Variants in MAST4 observed in about 807,000 individuals in gnomAD.
MAST4 encodes microtubule-associated serine/threonine-protein kinase 4.
A neutral mutation model predicts 162.7 loss-of-function variants in MAST4; 89 were observed. The observed-to-expected ratio is 0.55, with a 90% CI of 0.46 to 0.65. The LOEUF (loss-of-function observed/expected upper bound fraction) is 0.65, where lower values mean the gene tolerates loss of function less well. Among genes scored for constraint, MAST4 ranks in the 30% least tolerant of loss-of-function variants. MAST4 has a pLI of 0.00. For synonymous variants in MAST4, 1,479 were observed against 1,361.1 expected (o/e 1.09, Z -1.91); for missense variants, 3,153 against 3,374.0 (o/e 0.93, Z 1.62).
chr5:66,948,950 T>C (rs765584514), intron 4 of MAST4, among the ~76,000 whole-genome samples: 11 of 152,122 alleles, frequency 7.2e-5, no homozygotes, highest in Non-Finnish European at 1.2e-4. Flanking sequence ...CCCCCAACAA[T>C]TTTTTAATAG....
Position 66,969,427 on chromosome 5 carries a change from G to A in MAST4, c.674+69445G>A, listed in dbSNP as rs1361379334. Among the ~76,000 whole-genome samples, 9 of 152,214 alleles carry A rather than the reference G, an allele frequency of 5.9e-5. No individual in the cohort carries two copies. The South Asian group carries it at 8.3e-4, about 14-fold the overall frequency. ...TCTTTATCTATGAATCCCCTACCTC[G>A]CTGGCAATGTAAGAACAGTAGCTTA... On this transcript the variant is annotated intron_variant, in intron 4 of 28. Coordinates refer to ENST00000403625, the MANE Select transcript of MAST4 (RefSeq NM_001164664.2).
chr5:66,988,200 C>CT (rs1258384827), intron 4 of MAST4, among the ~76,000 whole-genome samples: 4 of 152,298 alleles, frequency 2.6e-5, no homozygotes, highest in African/African-American at 9.6e-5. Flanking sequence ...AGAAAACGTG[C>CT]TTCATCTCTC....
At chr5:67,083,995 C>T (rs1215844635) in intron 5 of MAST4, among the ~76,000 whole-genome samples, 1 of 152,152 alleles carries the variant, frequency 6.6e-6, no homozygotes, top group Non-Finnish European at 1.5e-5. Flanking sequence ...CAGTGAAAAG[C>T]TAAAACATTC....
intron 4 of MAST4, among the ~76,000 whole-genome samples, chr5:66,969,600 A>G (rs917577907): frequency 1.5e-4 from 23 of 152,040 alleles, no homozygotes; most frequent in African/African-American, 5.6e-4. Context: ...GAGCTGGCCT[A>G]TTTGTCCTGT....
At chr5:66,726,979 A>T (rs958461187) in intron 1 of MAST4, among the ~76,000 whole-genome samples, 5 of 152,074 alleles carry the variant, frequency 3.3e-5, no homozygotes, top group Admixed American at 2.0e-4. Context: ...AATATAGTGG[A>T]GAAGGGTTTG....
Position 67,052,439 on chromosome 5 carries a change from TTTG to T in MAST4, c.675-1959_675-1957del, listed in dbSNP as rs1758298311. On this transcript the variant is annotated intron_variant, in intron 4 of 28. Transcript: ENST00000403625. Reference sequence around the variant, plus strand: ...TAAATAACTAATGGAATTGTGAGGGTTTGTTGTTCATGTTTTCATTTTTTAAAA... The same window carrying T: ...TAAATAACTAATGGAATTGTGAGGGTTTGTTCATGTTTTCATTTTTTAAAA... 3.9e-5 allele frequency among the ~76,000 whole-genome samples: 6 copies of T among 152,044 alleles called. No homozygotes were observed. The South Asian group carries it at 1.0e-3, about 26-fold the overall frequency.
chr5:67,099,300 G>A (rs58044955), intron 7 of MAST4, among the ~76,000 whole-genome samples: 6,359 of 151,894 alleles, frequency 0.042, 326 homozygotes, highest in African/African-American at 0.12. Flanking sequence ...CATAAGTCTA[G>A]TAGTGCTCTC....
intron 1 of MAST4, among the ~76,000 whole-genome samples, chr5:66,636,497 G>A (rs929900969): frequency 3.3e-5 from 5 of 152,268 alleles, no homozygotes; most frequent in Admixed American, 1.3e-4. Flanking sequence ...GTTGATACTC[G>A]TTTGTGGTGG....
intron 1 of MAST4, among the ~76,000 whole-genome samples, chr5:66,650,577 A>G (rs1746152464): frequency 6.6e-6 from 1 of 152,336 alleles, no homozygotes; most frequent in Admixed American, 6.5e-5. Flanking sequence ...TTGTTTTGCT[A>G]TAATTTAATT....
At chr5:66,779,536 T>C (rs1754757175) in intron 2 of MAST4, among the ~76,000 whole-genome samples, 1 of 152,120 alleles carries the variant, frequency 6.6e-6, no homozygotes, top group African/African-American at 2.4e-5. Context: ...TTAGCAGCAT[T>C]GTTGATGCTG....
At chr5:67,098,619 G>T (rs1232629284) in intron 7 of MAST4, among the ~76,000 whole-genome samples, 1 of 152,150 alleles carries the variant, frequency 6.6e-6, no homozygotes, top group African/African-American at 2.4e-5. Flanking sequence ...TACCTGGAGA[G>T]ACTAAATGCT....
chr5:67,164,231 C>T lies in MAST4; in HGVS notation c.5052C>T (p.Ala1684=). 1 of 1,613,842 alleles carries T rather than the reference C, an allele frequency of 6.2e-7. No homozygotes were observed. The highest frequency in any genetic ancestry group is 8.5e-7 in the Non-Finnish European group (1 of 1,179,822). Residue 1684 remains alanine, a synonymous_variant, in exon 29 of 29, where the codon GCC becomes GCT. Coordinates refer to ENST00000403625, the MANE Select transcript of MAST4 (RefSeq NM_001164664.2). The surrounding 1 kb of genome is among the most constrained non-coding windows in gnomAD (Gnocchi z 5.3). ...LRCEKLDSKL[A]NIDYLRKKMS... ...GTGAAAAGTTAGACAGCAAGCTGGC[C>T]AACATCGATTACCTCCGAAAGAAAA... is the stretch of plus-strand genomic sequence containing the variant.
intron 5 of MAST4, among the ~76,000 whole-genome samples, chr5:67,059,336 C>G (rs1407541673): frequency 1.3e-5 from 2 of 152,144 alleles, no homozygotes; most frequent in Non-Finnish European, 2.9e-5. Context: ...CAGATAATCT[C>G]TATACTTGAA....
intron 4 of MAST4, among the ~76,000 whole-genome samples, chr5:66,994,969 A>G (rs1419416761): frequency 1.3e-5 from 2 of 152,250 alleles, no homozygotes; most frequent in Non-Finnish European, 2.9e-5. Flanking sequence ...ACATAAATGC[A>G]CAGCCTCACC....
At chr5:66,979,065 G>A (rs183461909) in intron 4 of MAST4, among the ~76,000 whole-genome samples, 140 of 152,236 alleles carry the variant, frequency 9.2e-4, no homozygotes, top group African/African-American at 1.9e-3. Context: ...GGCTTTTTAC[G>A]CAGATTGGGA....
chr5:66,637,473 C>T (rs1478886613), intron 1 of MAST4, among the ~76,000 whole-genome samples: 5 of 151,720 alleles, frequency 3.3e-5, no homozygotes, highest in African/African-American at 1.2e-4. Context: ...TTTTTTCCTC[C>T]AATGTGCTTG....
At chr5:66,723,573 A>G (rs2149542649) in intron 1 of MAST4, among the ~76,000 whole-genome samples, 1 of 152,300 alleles carries the variant, frequency 6.6e-6, no homozygotes, top group South Asian at 2.1e-4. Flanking sequence ...TTTTGATCAC[A>G]TATCGAGATG....
At chr5:67,136,865 GTTGT>G (rs1337820395) in intron 19 of MAST4, among the ~76,000 whole-genome samples, 5 of 152,180 alleles carry the variant, frequency 3.3e-5, no homozygotes, top group South Asian at 2.1e-4. Flanking sequence ...AAGAGGGTTG[GTTGT>G]TTGTCTTTGT....
At chr5:67,128,923 A>G (rs1172588740) in intron 14 of MAST4, among the ~76,000 whole-genome samples, 1 of 152,196 alleles carries the variant, frequency 6.6e-6, no homozygotes, top group South Asian at 2.1e-4. Flanking sequence ...CAGGTGAGGA[A>G]GACTTGTGAG....
Sources: gnomAD v4.1 joint callset for allele counts (sites outside exome capture counted in the v4.1 genomes callset) on GRCh38, gnomAD v4.1.1 for gene constraint, Gnocchi (gnomAD v3.1) non-coding constraint, MANE v1.5 for transcripts, NCBI Gene and HGNC (gene_info 2026-07-23, HGNC 2026-07-21) for gene names.